NCALD: variants seen among roughly 807,000 people sequenced by gnomAD.
NCALD encodes the protein neurocalcin-delta.
NCALD carries 10 observed loss-of-function variants against 18.6 expected under a neutral mutation model. The observed-to-expected ratio is 0.54, with a 90% CI of 0.33 to 0.91. The LOEUF is 0.91. Ranked by LOEUF, NCALD falls within the 40% of genes least tolerant of loss-of-function variation. NCALD has a pLI of 0.03. For synonymous variants in NCALD, 88 were observed against 87.4 expected (o/e 1.01, Z -0.04); for missense variants, 184 against 247.6 (o/e 0.74, Z 1.72).
chr8:102,087,708 A>C (rs1456124827), intron 1 of NCALD, among the ~76,000 whole-genome samples: 1 of 152,180 alleles, frequency 6.6e-6, no homozygotes, highest in African/African-American at 2.4e-5. Flanking sequence ...TGGGTGACAA[A>C]ATTAGGGATG....
intron 4 of NCALD, among the ~76,000 whole-genome samples, chr8:101,821,185 A>G (rs1315976122): frequency 6.6e-6 from 1 of 152,232 alleles, no homozygotes. Flanking sequence ...TCATTTATAT[A>G]TAGATGGTCT....
chr8:102,035,549 A>G (rs1822833156), intron 1 of NCALD, among the ~76,000 whole-genome samples: 1 of 152,176 alleles, frequency 6.6e-6, no homozygotes, highest in African/African-American at 2.4e-5. Flanking sequence ...AGAGAAAGGC[A>G]GTAGAATCCA....
chr8:102,121,595 G>A (rs1825946501), intron 1 of NCALD, among the ~76,000 whole-genome samples: 1 of 152,168 alleles, frequency 6.6e-6, no homozygotes, highest in Non-Finnish European at 1.5e-5. Flanking sequence ...TCTGCCTCCA[G>A]AACCAAATTC....
At chr8:101,711,173 G>GTCTA (rs1384281445) in intron 2 of NCALD, among the ~76,000 whole-genome samples, 1 of 152,090 alleles carries the variant, frequency 6.6e-6, no homozygotes, top group Non-Finnish European at 1.5e-5. Context: ...GCAGAAGAGG[G>GTCTA]GCCTGCCTGC....
chr8:102,018,816 GGA>G (rs1334420926), intron 2 of NCALD, among the ~76,000 whole-genome samples: 1 of 151,900 alleles, frequency 6.6e-6, no homozygotes, highest in Non-Finnish European at 1.5e-5. Flanking sequence ...ATCTTCACGT[GGA>G]AAAAAATTAA....
intron 4 of NCALD, among the ~76,000 whole-genome samples, chr8:101,843,602 A>G (rs1814741906): frequency 1.4e-5 from 1 of 71,110 alleles, no homozygotes; most frequent in Non-Finnish European, 2.5e-5. Context: ...TTTTTGAGAC[A>G]GTCTTGCTCT....
rs138916728 is a variant in NCALD at position 101,831,185 on chromosome 8, C to G, written c.-20+55956G>C. Reference sequence around the variant, plus strand: ...TGTTCTTTTGCAAGCAATAGATTCTCCTGTACACCCTACATGTATAGGCCA... The same window carrying G: ...TGTTCTTTTGCAAGCAATAGATTCTGCTGTACACCCTACATGTATAGGCCA... On this transcript the variant is annotated intron_variant, in intron 4 of 6. Transcript: ENST00000311028. 7.1e-4 allele frequency among the ~76,000 whole-genome samples: 108 copies of G among 152,264 alleles called. 1 individual carries two copies. The highest frequency in any genetic ancestry group is 2.1e-3 in the African/African-American group (87 of 41,552).
intron 1 of NCALD, among the ~76,000 whole-genome samples, chr8:102,108,730 A>G (rs1339829114): frequency 4.6e-5 from 7 of 152,168 alleles, no homozygotes; most frequent in Admixed American, 6.6e-5. Flanking sequence ...CAGGTTCACA[A>G]TAAATGTTTG....
intron 1 of NCALD, among the ~76,000 whole-genome samples, chr8:101,748,776 C>T (rs529555448): frequency 4.6e-5 from 7 of 152,306 alleles, no homozygotes; most frequent in South Asian, 2.1e-4. Flanking sequence ...AATGCAGGGC[C>T]ATAACCACAG....
chr8:101,731,260 G>A (rs114613377), intron 1 of NCALD, among the ~76,000 whole-genome samples: 2,391 of 152,242 alleles, frequency 0.016, 57 homozygotes, highest in African/African-American at 0.055. Flanking sequence ...AGGTGATGTG[G>A]GGCCTGGACA....
At chr8:101,781,961 T>C (rs112179591) in intron 1 of NCALD, among the ~76,000 whole-genome samples, 4,154 of 151,794 alleles carry the variant, frequency 0.027, 93 homozygotes, top group Middle Eastern at 0.048. Context: ...TGCAATGCAC[T>C]CATAACTTAC....
chr8:101,845,385 ATTATAC>A (rs1563821496), intron 4 of NCALD, among the ~76,000 whole-genome samples: 1 of 152,162 alleles, frequency 6.6e-6, no homozygotes, highest in Non-Finnish European at 1.5e-5. Context: ...TGCACTTTTT[ATTATAC>A]TTAATTGTAC....
chr8:101,928,827 T>C (rs1741746081), intron 2 of NCALD, among the ~76,000 whole-genome samples: 1 of 152,160 alleles, frequency 6.6e-6, no homozygotes, highest in African/African-American at 2.4e-5. Context: ...TTAGCATTTG[T>C]AGTGAAAGAT....
chr8:101,693,351 T>C (rs972429250), intron 2 of NCALD: 69 of 122,638 alleles, frequency 5.6e-4, no homozygotes, highest in African/African-American at 1.1e-3. Flanking sequence ...TTTTTTTTTT[T>C]CTGTACAGAC....
intron 1 of NCALD, among the ~76,000 whole-genome samples, chr8:101,747,907 G>A (rs143518020): frequency 2.0e-3 from 309 of 152,074 alleles, no homozygotes; most frequent in African/African-American, 7.0e-3. Context: ...TAGTAGAGAC[G>A]GGGTTTCACC....
chr8:101,689,716 G>T lies in NCALD; in HGVS notation c.485-310C>A, dbSNP rs1315104307. 2.0e-5 allele frequency among the ~76,000 whole-genome samples: 3 copies of T among 152,172 alleles called. No individual in the cohort carries two copies. In the East Asian group the frequency reaches 5.8e-4, roughly 29 times the overall value. Reference sequence around the variant, plus strand: ...GAGGGTGGTGGATGATGCTGACTTGGTCCCTGACCTCCTGGCTCCAGGCGC... The same window carrying T: ...GAGGGTGGTGGATGATGCTGACTTGTTCCCTGACCTCCTGGCTCCAGGCGC... On this transcript the variant is annotated intron_variant, in intron 3 of 3. Transcript: ENST00000220931. This position sits in a 1 kb window ranked among gnomAD's most constrained non-coding sequence, Gnocchi z 4.4.
intron 2 of NCALD, among the ~76,000 whole-genome samples, chr8:101,971,080 T>A (rs1325927479): frequency 6.6e-6 from 1 of 152,086 alleles, no homozygotes; most frequent in Non-Finnish European, 1.5e-5. Flanking sequence ...ATGGCCCTCA[T>A]CAGAAGCCAA....
At chr8:101,909,556 T>C (rs1817718991) in intron 3 of NCALD, among the ~76,000 whole-genome samples, 1 of 152,220 alleles carries the variant, frequency 6.6e-6, no homozygotes, top group South Asian at 2.1e-4. Flanking sequence ...GCATAAATTA[T>C]CTCATATACT....
At chr8:101,808,389 A>T (rs1400993017) in intron 4 of NCALD, among the ~76,000 whole-genome samples, 1 of 152,174 alleles carries the variant, frequency 6.6e-6, no homozygotes, top group African/African-American at 2.4e-5. Flanking sequence ...TTTCTCTTTG[A>T]TACTATGTTC....
Sources: allele counts gnomAD v4.1 joint callset (sites outside exome capture counted in the v4.1 genomes callset), GRCh38; gene constraint gnomAD v4.1.1; non-coding constraint Gnocchi (gnomAD v3.1); transcripts MANE v1.5; gene names NCBI Gene and HGNC (gene_info 2026-07-23, HGNC 2026-07-21).